LRRC7: variants seen among roughly 807,000 people sequenced by gnomAD.
LRRC7 encodes the protein leucine rich repeat containing 7, also known as leucine-rich repeat-containing protein 7.
A neutral mutation model predicts 175.7 loss-of-function variants in LRRC7; 23 were observed. The ratio of observed to expected loss-of-function variants is 0.13; its 90% confidence interval spans 0.09 to 0.19. LRRC7 has a LOEUF of 0.19. Among genes scored for constraint, LRRC7 ranks in the 10% least tolerant of loss-of-function variants. The probability of loss-of-function intolerance (pLI) is 1.00; values close to 1 mark genes in which losing one functional copy is unlikely to be tolerated. For synonymous variants in LRRC7, 685 were observed against 680.9 expected, an observed-to-expected ratio of 1.01 and a Z score of -0.09; for missense variants, 1,354 against 1,904.7, an observed-to-expected ratio of 0.71 and a Z score of 5.38.
intron 4 of LRRC7, among the ~76,000 whole-genome samples, chr1:69,794,292 TAAAG>T (rs1675459371): frequency 1.3e-5 from 2 of 151,842 alleles, no homozygotes; most frequent in Non-Finnish European, 2.9e-5. Flanking sequence ...GAAATCTGAA[TAAAG>T]AGAGTATTTC....
chr1:69,632,896 C>A (rs1652734147), intron 1 of LRRC7, among the ~76,000 whole-genome samples: 1 of 151,604 alleles, frequency 6.6e-6, no homozygotes, highest in Non-Finnish European at 1.5e-5. Flanking sequence ...CTCTTTGGTC[C>A]AAGAGTTAAG....
intron 1 of LRRC7, among the ~76,000 whole-genome samples, chr1:69,580,677 C>A (rs141379188): frequency 6.6e-6 from 1 of 152,152 alleles, no homozygotes; most frequent in African/African-American, 2.4e-5. Context: ...TTCTTGCCTG[C>A]CTGCATTCAT....
At chr1:69,820,144 T>C (rs1314172880) in intron 4 of LRRC7, among the ~76,000 whole-genome samples, 1 of 152,126 alleles carries the variant, frequency 6.6e-6, no homozygotes, top group East Asian at 1.9e-4. Flanking sequence ...TTTAATTTTA[T>C]ATGGTGGTAT....
At chr1:69,608,897 TATACAC>T (rs1256370103) in intron 1 of LRRC7, among the ~76,000 whole-genome samples, 34 of 118,146 alleles carry the variant, frequency 2.9e-4, no homozygotes, top group African/African-American at 4.0e-4. Flanking sequence ...TATATATATA[TATACAC>T]ACACACACAC....
At chr1:69,707,532 A>C (rs924043990) in intron 2 of LRRC7, among the ~76,000 whole-genome samples, 3 of 152,076 alleles carry the variant, frequency 2.0e-5, no homozygotes, top group African/African-American at 7.2e-5. Flanking sequence ...CTCCCAAAAA[A>C]ATTATTTATT....
intron 2 of LRRC7, among the ~76,000 whole-genome samples, chr1:69,721,204 G>A (rs547050971): frequency 9.9e-5 from 15 of 151,718 alleles, no homozygotes; most frequent in African/African-American, 3.4e-4. Context: ...TGTTATAATC[G>A]ATGAACCTGC....
At chr1:69,890,859 CT>C (rs1645813328) in intron 7 of LRRC7, among the ~76,000 whole-genome samples, 1 of 152,214 alleles carries the variant, frequency 6.6e-6, no homozygotes, top group African/African-American at 2.4e-5. Flanking sequence ...CCTCTGCTAG[CT>C]TCAAACTTTT....
intron 2 of LRRC7, among the ~76,000 whole-genome samples, chr1:69,742,218 A>G (rs191847228): frequency 1.3e-5 from 2 of 152,152 alleles, no homozygotes; most frequent in Admixed American, 6.6e-5. Context: ...ATCCCAGTCA[A>G]AAATTATTAT....
intron 2 of LRRC7, among the ~76,000 whole-genome samples, chr1:69,759,397 A>G (rs1670788913): frequency 6.6e-6 from 1 of 152,016 alleles, no homozygotes; most frequent in African/African-American, 2.4e-5. Flanking sequence ...TAAAATGTTG[A>G]AGGTGCCATG....
At chr1:69,903,527 T>G (rs1354010516) in intron 7 of LRRC7, among the ~76,000 whole-genome samples, 1 of 152,166 alleles carries the variant, frequency 6.6e-6, no homozygotes, top group East Asian at 1.9e-4. Context: ...TGGGCCCTTA[T>G]AGCACTAAAT....
At position 69,781,699 on chromosome 1, in the gene LRRC7, GA is replaced by G. The variant is rs200783706; in HGVS notation, c.304-10341del. ...TGTCTCAAAAAAAAGAAGAAAGAAAGAAAGAAAGAAAGAAAGAAAGAAAGAA... is the reference window on the plus strand; with the variant it reads ...TGTCTCAAAAAAAAGAAGAAAGAAAGAAGAAAGAAAGAAAGAAAGAAAGAA... On this transcript the variant is annotated intron_variant, in intron 3 of 26. Transcript: ENST00000651989. Among the ~76,000 whole-genome samples, 40 of 21,822 alleles carry G rather than the reference GA, an allele frequency of 1.8e-3. 1 individual carries two copies. Among genetic ancestry groups the G allele is most frequent in the African/African-American group, 1.8e-3 (6 of 3,350 alleles). The allele number at this position is 21,822 out of a possible 152,430, so 14.3% of individuals were successfully genotyped here. A position where few individuals can be genotyped will look rare whatever the true frequency, so the allele number is the denominator to read the frequency against.
At chr1:69,881,823 T>C (rs1369531640) in intron 7 of LRRC7, among the ~76,000 whole-genome samples, 1 of 149,832 alleles carries the variant, frequency 6.7e-6, no homozygotes, top group Non-Finnish European at 1.5e-5. Context: ...AAGACTGCAG[T>C]GAGCCATGAC....
chr1:69,653,775 C>T (rs1377262933), intron 1 of LRRC7, among the ~76,000 whole-genome samples: 1 of 152,026 alleles, frequency 6.6e-6, no homozygotes, highest in Non-Finnish European at 1.5e-5. Flanking sequence ...TATAATATTA[C>T]TTGCCATAAA....
At chr1:69,684,711 G>C (rs1389292307) in intron 2 of LRRC7, among the ~76,000 whole-genome samples, 2 of 152,042 alleles carry the variant, frequency 1.3e-5, no homozygotes, top group African/African-American at 2.4e-5. Flanking sequence ...AGAGAGGCTT[G>C]CAATCTGGTA....
intron 1 of LRRC7, among the ~76,000 whole-genome samples, chr1:69,660,020 TA>T (rs1657223976): frequency 6.6e-6 from 1 of 151,976 alleles, no homozygotes; most frequent in Non-Finnish European, 1.5e-5. Flanking sequence ...AAACTGAATT[TA>T]AAAAATCTTT....
intron 1 of LRRC7, among the ~76,000 whole-genome samples, chr1:69,643,938 T>C (rs945433965): frequency 1.3e-5 from 2 of 152,020 alleles, no homozygotes; most frequent in African/African-American, 4.8e-5. Context: ...ACCCATGCAT[T>C]GAAGAAGGAA....
At chr1:70,025,832 G>GT (rs1491537802) in intron 17 of LRRC7, among the ~76,000 whole-genome samples, 1 of 88,256 alleles carries the variant, frequency 1.1e-5, no homozygotes, top group Non-Finnish European at 2.0e-5. Flanking sequence ...CTCAATTTAA[G>GT]GGGGGGGGGG....
intron 1 of LRRC7, among the ~76,000 whole-genome samples, chr1:69,591,134 C>T (rs1328257410): frequency 6.6e-6 from 1 of 151,994 alleles, no homozygotes; most frequent in Non-Finnish European, 1.5e-5. Context: ...TTTTGGATTA[C>T]ATATCAGAGG....
At chr1:69,855,315 G>C (rs150557916) in intron 7 of LRRC7, among the ~76,000 whole-genome samples, 1,889 of 152,202 alleles carry the variant, frequency 0.012, 35 homozygotes, top group African/African-American at 0.042. Flanking sequence ...CAGAGATTGT[G>C]GTATGTTGTG....
Sources: gnomAD v4.1 joint callset for allele counts (sites outside exome capture counted in the v4.1 genomes callset) on GRCh38, gnomAD v4.1.1 for gene constraint, MANE v1.5 for transcripts, NCBI Gene and HGNC (gene_info 2026-07-23, HGNC 2026-07-21) for gene names.